CARMIL1: variants seen among roughly 807,000 people sequenced by gnomAD.
The protein encoded by CARMIL1 is F-actin-uncapping protein LRRC16A.
A neutral mutation model predicts 177.1 loss-of-function variants in CARMIL1; 90 were observed. That is an observed-to-expected ratio of 0.51 (90% CI 0.43 to 0.61). CARMIL1 has a LOEUF of 0.61. CARMIL1 is among the 20% of genes least tolerant of loss of function. CARMIL1 has a pLI of 0.00. For missense variants in CARMIL1, 1,380 were observed against 1,667.0 expected (o/e 0.83, Z 3.00); for synonymous variants, 577 against 606.2 (o/e 0.95, Z 0.71).
At chr6:25,311,627 C>T (rs1215307064) in intron 2 of CARMIL1, among the ~76,000 whole-genome samples, 1 of 152,042 alleles carries the variant, frequency 6.6e-6, no homozygotes, top group Non-Finnish European at 1.5e-5. Flanking sequence ...AGGTGCTTGC[C>T]CCTCCTCTCA....
intron 2 of CARMIL1, among the ~76,000 whole-genome samples, chr6:25,306,917 C>T (rs976123319): frequency 3.2e-5 from 4 of 124,466 alleles, no homozygotes; most frequent in Non-Finnish European, 6.3e-5. Context: ...TCATTCTTGT[C>T]GCCTGGGCTG....
intron 2 of CARMIL1, among the ~76,000 whole-genome samples, chr6:25,385,912 A>G (rs559825739): frequency 6.6e-6 from 1 of 152,224 alleles, no homozygotes; most frequent in African/African-American, 2.4e-5. Context: ...CTGACTTGCT[A>G]CTTGTTAGAA....
At chr6:25,318,348 CAG>C (rs1377766220) in intron 2 of CARMIL1, among the ~76,000 whole-genome samples, 2 of 152,090 alleles carry the variant, frequency 1.3e-5, no homozygotes, top group East Asian at 3.8e-4. Flanking sequence ...GGGTGAGGTG[CAG>C]AGAGTAAGGA....
At chr6:25,475,752 A>G (rs915129823) in intron 11 of CARMIL1, among the ~76,000 whole-genome samples, 2 of 152,212 alleles carry the variant, frequency 1.3e-5, no homozygotes, top group African/African-American at 4.8e-5. Context: ...GGAAGAATGA[A>G]TTTGAGGCCC....
At chr6:25,418,530 C>T (rs185543603) in intron 2 of CARMIL1, among the ~76,000 whole-genome samples, 1 of 146,300 alleles carries the variant, frequency 6.8e-6, no homozygotes, top group East Asian at 2.0e-4. Context: ...TTCCTTGCCC[C>T]CAAGGCCTTA....
intron 2 of CARMIL1, among the ~76,000 whole-genome samples, chr6:25,352,839 G>A (rs1279918864): frequency 6.6e-6 from 1 of 152,170 alleles, no homozygotes; most frequent in Non-Finnish European, 1.5e-5. Flanking sequence ...CAGTCAGATA[G>A]TATATGTAAG....
chr6:25,330,686 A>C (rs1376883704), intron 2 of CARMIL1, among the ~76,000 whole-genome samples: 1 of 95,628 alleles, frequency 1.0e-5, no homozygotes, highest in Non-Finnish European at 2.3e-5. Flanking sequence ...GCCCATCTCT[A>C]TTAAAAAAAA....
intron 24 of CARMIL1, among the ~76,000 whole-genome samples, chr6:25,530,348 A>G (rs1807624458): frequency 6.6e-6 from 1 of 152,158 alleles, no homozygotes; most frequent in South Asian, 2.1e-4. Flanking sequence ...TGTCTCTACT[A>G]AACATACAAA....
In CARMIL1 at chr6:25,610,127, G is replaced by T; in HGVS notation, c.3925G>T (p.Glu1309Ter). The T allele has an allele frequency of 6.2e-7, 1 of 1,613,856 alleles. No individual in the cohort carries two copies. The highest frequency in any genetic ancestry group is 8.5e-7 in the Non-Finnish European group (1 of 1,179,820). ...CCTGAAAAAAGTTCCTTCAGACAAA[G>T]AGAGAGATGGCCAGAGTAGCCCCCA... Reference protein sequence around the residue: ...PVLKKVPSDKERDGQSSPQPS... With the variant: ...PVLKKVPSDK Residue 1309 changes from glutamate (E) to a stop codon, truncating the protein, a stop_gained, in exon 36 of 37, where the codon GAG becomes TAG. Transcript: ENST00000329474. LOFTEE classifies it high-confidence loss of function.
At chr6:25,399,055 T>C (rs529633793) in intron 2 of CARMIL1, among the ~76,000 whole-genome samples, 4 of 152,272 alleles carry the variant, frequency 2.6e-5, no homozygotes, top group South Asian at 4.2e-4. Context: ...CACCCCCCTT[T>C]TCTTCCCCGC....
Position 25,569,150 on chromosome 6 carries a change from A to G in CARMIL1, c.2743-11774A>G, listed in dbSNP as rs1392054650. ...AATAGAGTGTATGAATGATGATCTGAAGTTATGGAAAAATAACTATCAAAA... is the reference window on the plus strand; with the variant it reads ...AATAGAGTGTATGAATGATGATCTGGAGTTATGGAAAAATAACTATCAAAA... On this transcript the variant is annotated intron_variant, in intron 29 of 36. Coordinates refer to ENST00000329474, the MANE Select transcript of CARMIL1 (RefSeq NM_017640.6). Among the ~76,000 whole-genome samples the G allele has an allele frequency of 5.9e-5, 9 of 152,356 alleles. No homozygotes were observed. The East Asian group carries it at 1.7e-3, about 29-fold the overall frequency.
chr6:25,471,384 T>C (rs909448155), intron 10 of CARMIL1, 127 bp downstream of exon 10: 3 of 591,162 alleles, frequency 5.1e-6, no homozygotes, highest in Non-Finnish European at 8.4e-6. Context: ...TTTTTCCTTC[T>C]GGGAAAAAAA....
chr6:25,303,400 T>A lies in CARMIL1; in HGVS notation c.138+18491T>A, dbSNP rs143930915. ...CTTGTGTGGCTCTAAGCCTATTTCC[T>A]CAATTGGGGAAGTAACAGACTCTGT... On this transcript the variant is annotated intron_variant, in intron 2 of 36. Coordinates refer to ENST00000329474, the MANE Select transcript of CARMIL1 (RefSeq NM_017640.6). Among the ~76,000 whole-genome samples the A allele has an allele frequency of 2.7e-3, 404 of 152,306 alleles. 2 individuals carry two copies. The highest frequency in any genetic ancestry group is 4.9e-3 in the Non-Finnish European group (335 of 68,020).
intron 3 of CARMIL1, among the ~76,000 whole-genome samples, chr6:25,424,116 A>G (rs529258094): frequency 6.6e-6 from 1 of 152,174 alleles, no homozygotes; most frequent in Non-Finnish European, 1.5e-5. Context: ...TGGGACTTCA[A>G]CTAATCACAG....
intron 17 of CARMIL1, among the ~76,000 whole-genome samples, chr6:25,501,406 A>T (rs1039203038): frequency 6.6e-6 from 1 of 152,186 alleles, no homozygotes; most frequent in Non-Finnish European, 1.5e-5. Context: ...GAATTGGTTA[A>T]TATCACTAAA....
chr6:25,356,821 G>T (rs1788670739), intron 2 of CARMIL1, among the ~76,000 whole-genome samples: 1 of 152,196 alleles, frequency 6.6e-6, no homozygotes, highest in Non-Finnish European at 1.5e-5. Flanking sequence ...TAGCAGGCAG[G>T]CACCCTGGCA....
Position 25,348,731 on chromosome 6 carries a change from G to A in CARMIL1, c.138+63822G>A, listed in dbSNP as rs145043984. ...CGGGAGGCAGAGGTTGCAGTGAGCC[G>A]AGATCGTGCCTCTGCACTCCAGCCT... On this transcript the variant is annotated intron_variant, in intron 2 of 36. Transcript: ENST00000329474. Among the ~76,000 whole-genome samples the A allele has an allele frequency of 9.9e-5, 15 of 152,122 alleles. 1 individual carries two copies. The highest frequency in any genetic ancestry group is 2.9e-4 in the African/African-American group (12 of 41,524).
At chr6:25,503,318 T>C (rs1308102999) in intron 17 of CARMIL1, among the ~76,000 whole-genome samples, 4 of 152,220 alleles carry the variant, frequency 2.6e-5, no homozygotes, top group Non-Finnish European at 5.9e-5. Context: ...ACATGTTATG[T>C]TGATGCATGA....
At position 25,556,969 on chromosome 6, in the gene CARMIL1, T is replaced by G; in HGVS notation, c.2742+119T>G. The G allele has an allele frequency of 2.0e-5, 20 of 1,020,306 alleles. No individual in the cohort carries two copies. In the South Asian group the frequency reaches 3.0e-4, roughly 15 times the overall value. The allele number at this position is 1,020,306 out of a possible 1,614,324, so 63.2% of individuals were successfully genotyped here. A position where few individuals can be genotyped will look rare whatever the true frequency, so the allele number is the denominator to read the frequency against. On this transcript the variant is annotated intron_variant, in intron 29 of 36. Transcript: ENST00000329474. ...ACCAAACAAAACACTGTCCCCACCC[T>G]CAGACAATTCTTTCAGAAAAGTCCT...
Sources: allele counts gnomAD v4.1 joint callset (sites outside exome capture counted in the v4.1 genomes callset), GRCh38; gene constraint gnomAD v4.1.1; transcripts MANE v1.5; gene names NCBI Gene and HGNC (gene_info 2026-07-23, HGNC 2026-07-21).